The following RANBP2 variants were observed in gnomAD, a reference collection of about 807,000 sequenced individuals.
RANBP2 encodes the protein RAN binding protein 2.
In RANBP2, 57 loss-of-function variants were observed where a neutral mutation model predicts 303.6. That is an observed-to-expected ratio of 0.19 (90% CI 0.15 to 0.23). RANBP2 has a LOEUF of 0.23. Among genes scored for constraint, RANBP2 ranks in the 10% least tolerant of loss-of-function variants. The pLI is 1.00. For synonymous variants in RANBP2, 1,167 were observed against 1,301.5 expected (o/e 0.90, Z 2.23); for missense variants, 3,138 against 3,780.8 (o/e 0.83, Z 4.46).
the RANBP2 span, among the ~76,000 whole-genome samples, chr2:109,117,768 G>A: frequency 1.5e-5 from 2 of 133,050 alleles, no homozygotes; most frequent in African/African-American, 6.0e-5. Context: ...TTCCTATTCG[G>A]CCATCTTGGC....
the RANBP2 span, chr2:108,930,009 T>C: frequency 7.4e-7 from 1 of 1,357,418 alleles, no homozygotes; most frequent in Non-Finnish European, 1.0e-6. Context: ...CCGGCTGGTT[T>C]GATATACCCT....
intron 1 of RANBP2, among the ~76,000 whole-genome samples, chr2:108,727,841 G>A (rs1162711693): frequency 1.3e-5 from 2 of 152,102 alleles, no homozygotes; most frequent in African/African-American, 2.4e-5. Flanking sequence ...GGCTTCAGGT[G>A]ATCCGCCCGC....
At chr2:109,086,138 T>C in the RANBP2 span, among the ~76,000 whole-genome samples, 1 of 152,192 alleles carries the variant, frequency 6.6e-6, no homozygotes, top group Non-Finnish European at 1.5e-5. Context: ...TAATATTCCA[T>C]TGCAGGCATG....
At chr2:108,740,357 A>C in intron 6 of RANBP2, 132 bp from the exon 7 acceptor site, 6 of 1,390,876 alleles carry the variant, frequency 4.3e-6, no homozygotes, top group Non-Finnish European at 6.0e-6. Context: ...TAACATGGGG[A>C]ATAAGAATTA....
At chr2:108,756,456 A>G (rs986295238) in intron 17 of RANBP2, among the ~76,000 whole-genome samples, 7 of 152,260 alleles carry the variant, frequency 4.6e-5, no homozygotes, top group African/African-American at 1.7e-4. Flanking sequence ...TGCTAAGGTT[A>G]CATCAAGGAT....
chr2:109,684,684 C>T, the RANBP2 span, among the ~76,000 whole-genome samples: 2 of 151,218 alleles, frequency 1.3e-5, no homozygotes, highest in Admixed American at 6.6e-5. Context: ...CAGGTGCACA[C>T]TACCACACCT....
downstream of RANBP2, among the ~76,000 whole-genome samples, chr2:108,786,171 T>C (rs549602243): frequency 2.3e-3 from 348 of 151,916 alleles, 2 homozygotes; most frequent in Middle Eastern, 3.4e-3. Flanking sequence ...ACATTCTAAC[T>C]ATTCTTTTTA....
At chr2:108,962,048 G>A in the RANBP2 span, among the ~76,000 whole-genome samples, 1 of 152,198 alleles carries the variant, frequency 6.6e-6, no homozygotes, top group African/African-American at 2.4e-5. Context: ...TAAAATCCTG[G>A]AGAGACTTTT....
At chr2:109,023,105 A>G in the RANBP2 span, among the ~76,000 whole-genome samples, 1 of 152,230 alleles carries the variant, frequency 6.6e-6, no homozygotes, top group Non-Finnish European at 1.5e-5. Context: ...TGTTTTGATG[A>G]AACCTTGATA....
the RANBP2 span, among the ~76,000 whole-genome samples, chr2:109,187,630 C>G: frequency 6.6e-6 from 1 of 152,180 alleles, no homozygotes; most frequent in Non-Finnish European, 1.5e-5. Context: ...CTAGGTATGT[C>G]TTAGGCTATG....
chr2:109,430,340 G>A, the RANBP2 span, among the ~76,000 whole-genome samples: 2 of 152,184 alleles, frequency 1.3e-5, no homozygotes, highest in Admixed American at 6.5e-5. Flanking sequence ...CAATTTGTGC[G>A]TCATTGTTAC....
chr2:109,669,165 T>C, the RANBP2 span, among the ~76,000 whole-genome samples: 1 of 151,962 alleles, frequency 6.6e-6, no homozygotes, highest in Non-Finnish European at 1.5e-5. Context: ...TCCTCATACA[T>C]GAAAATAAAA....
chr2:108,759,324 TACTC>T (rs1676553462), intron 18 of RANBP2, among the ~76,000 whole-genome samples: 1 of 152,194 alleles, frequency 6.6e-6, no homozygotes, highest in African/African-American at 2.4e-5. Flanking sequence ...TTAGGTAACT[TACTC>T]ATTATTATAC....
At chr2:109,428,398 G>C in the RANBP2 span, among the ~76,000 whole-genome samples, 1 of 152,248 alleles carries the variant, frequency 6.6e-6, no homozygotes. Context: ...AGGCTGTGCT[G>C]TTAGTTTCAA....
At chr2:108,769,692 G>A (rs577960802) in intron 20 of RANBP2, among the ~76,000 whole-genome samples, 56 of 152,210 alleles carry the variant, frequency 3.7e-4, no homozygotes, top group African/African-American at 1.3e-3. Context: ...GAGTGTCCCT[G>A]TAGGGCTGTT....
the RANBP2 span, among the ~76,000 whole-genome samples, chr2:109,030,363 A>G: frequency 1.3e-5 from 2 of 152,232 alleles, no homozygotes; most frequent in African/African-American, 2.4e-5. Flanking sequence ...TTTTAAGTGA[A>G]TTTCACGTAA....
the RANBP2 span, among the ~76,000 whole-genome samples, chr2:108,921,479 G>C: frequency 6.6e-6 from 1 of 152,318 alleles, no homozygotes; most frequent in African/African-American, 2.4e-5. Flanking sequence ...AGGTGCTCTT[G>C]ACCACAACTG....
the RANBP2 span, among the ~76,000 whole-genome samples, chr2:109,421,272 G>A: frequency 6.6e-6 from 1 of 152,212 alleles, no homozygotes; most frequent in Admixed American, 6.5e-5. Context: ...TGCTTCAAGG[G>A]CAAAGCCCAG....
chr2:108,814,914 G>A, the RANBP2 span, among the ~76,000 whole-genome samples: 1 of 151,762 alleles, frequency 6.6e-6, no homozygotes. Flanking sequence ...GGGATTATAG[G>A]CATGAGCCAC....
Sources: allele counts gnomAD v4.1 joint callset (sites outside exome capture counted in the v4.1 genomes callset), GRCh38; gene constraint gnomAD v4.1.1; transcripts MANE v1.5; gene names NCBI Gene and HGNC (gene_info 2026-07-23, HGNC 2026-07-21).